Variants in PEBP4 observed in about 807,000 individuals in gnomAD.
PEBP4 encodes phosphatidylethanolamine-binding protein 4.
A neutral mutation model predicts 23.9 loss-of-function variants in PEBP4; 22 were observed. The ratio of observed to expected loss-of-function variants is 0.92; its 90% CI spans 0.66 to 1.31. PEBP4 has a LOEUF of 1.31. Ranked by LOEUF, PEBP4 falls within the 40% of genes most tolerant of loss-of-function variation. The pLI, the probability that PEBP4 is intolerant of heterozygous loss-of-function variation, is 0.00. For synonymous variants in PEBP4, 112 were observed against 99.3 expected, an observed-to-expected ratio of 1.13 and a Z score of -0.76; for missense variants, 324 against 281.7, an observed-to-expected ratio of 1.15 and a Z score of -1.07.
chr8:22,858,196 T>C (rs549100359), intron 3 of PEBP4, among the ~76,000 whole-genome samples: 5 of 152,288 alleles, frequency 3.3e-5, no homozygotes, highest in Middle Eastern at 3.4e-3. Context: ...GGTGTTGAAA[T>C]GGTGAAAGGA....
chr8:22,846,483 G>A (rs1044109846), intron 3 of PEBP4, among the ~76,000 whole-genome samples: 17 of 152,018 alleles, frequency 1.1e-4, no homozygotes, highest in Admixed American at 3.9e-4. Flanking sequence ...AGGTTCCCTC[G>A]CCCCACCCTA....
intron 4 of PEBP4, among the ~76,000 whole-genome samples, chr8:22,812,546 T>G (rs997195643): frequency 5.3e-5 from 8 of 152,188 alleles, no homozygotes; most frequent in Non-Finnish European, 1.0e-4. Flanking sequence ...GCTTATTAGT[T>G]AAAATGGATC....
At chr8:22,800,559 G>C (rs1279414495) in intron 4 of PEBP4, among the ~76,000 whole-genome samples, 2 of 152,108 alleles carry the variant, frequency 1.3e-5, no homozygotes, top group Non-Finnish European at 2.9e-5. Context: ...CCTCATTGCT[G>C]TGCCCACCCT....
intron 4 of PEBP4, chr8:22,757,588 C>G (rs1005958974): frequency 2.0e-5 from 3 of 152,178 alleles, no homozygotes; most frequent in African/African-American, 7.2e-5. Context: ...CCTGGGTCAT[C>G]CAGCCAGCTA....
chr8:22,845,895 G>A lies in PEBP4; in HGVS notation c.259-28160C>T, dbSNP rs1231173852. ...GCCTGGCCCGGCACAGAATGAATGC[G>A]CGAAATGACTGGCGTGGTCAGCCAG... On this transcript the variant is annotated intron_variant, in intron 3 of 6. Transcript: ENST00000256404. Among the ~76,000 whole-genome samples the A allele has an allele frequency of 3.3e-5, 5 of 152,358 alleles. No homozygotes were observed. The East Asian group carries it at 7.7e-4, about 24-fold the overall frequency.
chr8:22,839,851 C>A (rs1340012777), intron 3 of PEBP4, among the ~76,000 whole-genome samples: 1 of 152,050 alleles, frequency 6.6e-6, no homozygotes, highest in Admixed American at 6.6e-5. Context: ...TTTACCCCCT[C>A]GCCCAAACCC....
chr8:22,743,985 A>G (rs952568261), intron 4 of PEBP4, among the ~76,000 whole-genome samples: 111 of 152,332 alleles, frequency 7.3e-4, no homozygotes, highest in African/African-American at 2.6e-3. Flanking sequence ...TGGTGAGATC[A>G]CAGCCTGGGG....
chr8:22,802,392 C>T (rs1806402842), intron 4 of PEBP4, among the ~76,000 whole-genome samples: 1 of 152,240 alleles, frequency 6.6e-6, no homozygotes, highest in South Asian at 2.1e-4. Flanking sequence ...ACGTCTCCTG[C>T]CATGGGGCTT....
intron 2 of PEBP4, among the ~76,000 whole-genome samples, chr8:22,922,225 GA>G (rs916774152): frequency 1.3e-5 from 2 of 152,114 alleles, no homozygotes; most frequent in African/African-American, 4.8e-5. Context: ...AGGATGATGG[GA>G]AAGGGGCATG....
At chr8:22,739,766 C>A (rs149142441) in intron 4 of PEBP4, among the ~76,000 whole-genome samples, 4 of 152,308 alleles carry the variant, frequency 2.6e-5, no homozygotes, top group South Asian at 4.1e-4. Flanking sequence ...GGCCCCTCAG[C>A]CCCTGACCCT....
chr8:22,779,442 C>T (rs143685155), intron 4 of PEBP4, among the ~76,000 whole-genome samples: 35 of 152,152 alleles, frequency 2.3e-4, no homozygotes, highest in African/African-American at 8.2e-4. Flanking sequence ...TATGGCGTCA[C>T]GGAGGTCGCC....
At chr8:22,738,946 A>C (rs1202785227) in intron 4 of PEBP4, among the ~76,000 whole-genome samples, 1 of 152,072 alleles carries the variant, frequency 6.6e-6, no homozygotes, top group Non-Finnish European at 1.5e-5. Flanking sequence ...CATGGTGGGG[A>C]GGACCAGAAG....
intron 4 of PEBP4, among the ~76,000 whole-genome samples, chr8:22,778,607 G>A (rs1805860825): frequency 6.6e-6 from 1 of 152,132 alleles, no homozygotes; most frequent in African/African-American, 2.4e-5. Flanking sequence ...CCTCGCCTGT[G>A]ATCCGGGGAT....
intron 3 of PEBP4, among the ~76,000 whole-genome samples, chr8:22,832,329 G>A (rs545967961): frequency 2.6e-5 from 4 of 152,162 alleles, no homozygotes; most frequent in African/African-American, 9.7e-5. Context: ...AGAGACACTA[G>A]AGAACTCACT....
In PEBP4 at chr8:22,927,634, G is replaced by A. The variant is rs772801097; in HGVS notation, c.81C>T (p.Asn27=). 5 of 1,614,066 alleles carry A rather than the reference G, an allele frequency of 3.1e-6. No homozygotes were observed. The highest frequency in any genetic ancestry group is 3.3e-5 in the Admixed American group (2 of 60,010). ...MMVVTGDEDE[N]SPCAHEALLD... Reference sequence around the variant, plus strand: ...AGAGGGCCTCATGGGCACACGGGCTGTTCTCATCCTCGTCTCCAGTGACCA... The same window carrying A: ...AGAGGGCCTCATGGGCACACGGGCTATTCTCATCCTCGTCTCCAGTGACCA... The change falls in exon 2 of 7, where the codon AAC becomes AAT. Residue 27 remains asparagine (N), a synonymous_variant. Coordinates refer to ENST00000256404, the MANE Select transcript of PEBP4 (RefSeq NM_144962.3).
intron 4 of PEBP4, among the ~76,000 whole-genome samples, chr8:22,754,363 C>T (rs551487767): frequency 1.2e-4 from 18 of 152,330 alleles, no homozygotes; most frequent in East Asian, 1.9e-4. Context: ...ACTCTGTAGA[C>T]GTGTGTTGAG....
chr8:22,755,001 T>C (rs1283658675), intron 4 of PEBP4: 1 of 152,250 alleles, frequency 6.6e-6, no homozygotes, highest in African/African-American at 2.4e-5. Flanking sequence ...TGGTTATTAC[T>C]GTCTCCTGAG....
At chr8:22,901,734 C>G (rs954648843) in intron 3 of PEBP4, among the ~76,000 whole-genome samples, 3 of 152,198 alleles carry the variant, frequency 2.0e-5, no homozygotes, top group Admixed American at 2.0e-4. Context: ...GTCAGTAACT[C>G]TGGCCACTGT....
At chr8:22,783,345 G>A (rs1380545492) in intron 4 of PEBP4, among the ~76,000 whole-genome samples, 1 of 152,260 alleles carries the variant, frequency 6.6e-6, no homozygotes, top group Non-Finnish European at 1.5e-5. Flanking sequence ...ATGGATGAAC[G>A]CCTCCTGGGA....
Sources: gnomAD v4.1 joint callset for allele counts (sites outside exome capture counted in the v4.1 genomes callset) on GRCh38, gnomAD v4.1.1 for gene constraint, MANE v1.5 for transcripts, NCBI Gene and HGNC (gene_info 2026-07-23, HGNC 2026-07-21) for gene names.